The following SP9 variants were observed in gnomAD, a reference collection of about 807,000 sequenced individuals.
SP9 encodes the protein Sp9 transcription factor.
SP9 carries 5 observed loss-of-function variants against 23.0 expected under a neutral mutation model. The observed-to-expected ratio is 0.22, with a 90% confidence interval of 0.11 to 0.46. The LOEUF (loss-of-function observed/expected upper bound fraction) is 0.46, where lower values mean the gene tolerates loss of function less well. SP9 is among the 20% of genes least tolerant of loss of function. SP9 has a pLI of 0.99. For synonymous variants in SP9, 360 were observed against 356.5 expected, an observed-to-expected ratio of 1.01 and a Z score of -0.11; for missense variants, 542 against 724.0, an observed-to-expected ratio of 0.75 and a Z score of 2.88.
In SP9 at chr2:174,336,709, C is replaced by T. The variant is rs1440261797; in HGVS notation, c.624C>T (p.Ala208=). ...GGLQSSLHSG[A]PQASLHSQLG... is the part of the protein sequence containing the mutation. ...TCCAGAGCTCGCTGCACTCGGGCGC[C>T]CCCCAGGCCTCGCTGCACTCGCAGC... Residue 208 remains alanine (A), a synonymous_variant, in exon 2 of 2, where the codon GCC becomes GCT. Coordinates refer to ENST00000394967, the MANE Select transcript of SP9 (RefSeq NM_001145250.2). 6.6e-7 allele frequency: 1 copy of T among 1,524,958 alleles called. No individual in the cohort carries two copies. The highest frequency in any genetic ancestry group is 8.8e-7 in the Non-Finnish European group (1 of 1,142,196). The allele number at this position is 1,524,958 out of a possible 1,614,324, so 94.5% of individuals were successfully genotyped here.
Position 174,337,331 on chromosome 2 carries a change from G to C in SP9, c.1246G>C (p.Gly416Arg). Residue 416 changes from glycine (G) to arginine (R), a missense_variant, in exon 2 of 2, where the codon GGG (glycine) becomes CGG (arginine). Coordinates refer to ENST00000394967, the MANE Select transcript of SP9 (RefSeq NM_001145250.2). ...GAGCAAACACATTAAGACGCACAAC[G>C]GGGGCGGCGGGGGCAAAAAGGGCAG... ...HLSKHIKTHN[G>R]GGGGKKGSDS... 1 of 1,550,974 alleles carries C rather than the reference G, an allele frequency of 6.4e-7. No individual in the cohort carries two copies. Among genetic ancestry groups the C allele is most frequent in the Non-Finnish European group, 8.7e-7 (1 of 1,146,936 alleles).
chr2:174,335,501 T>G, intron 1 of SP9: 1 of 214,466 alleles, frequency 4.7e-6, no homozygotes, highest in Non-Finnish European at 9.3e-6. Flanking sequence ...ACATTTACAT[T>G]TCCGCGGCTC....
Position 174,336,309 on chromosome 2 carries a change from C to T in SP9, c.224C>T (p.Ser75Leu). 6.6e-7 allele frequency: 1 copy of T among 1,505,236 alleles called. No individual in the cohort carries two copies. Among genetic ancestry groups the T allele is most frequent in the Non-Finnish European group, 8.8e-7 (1 of 1,132,372 alleles). The allele number at this position is 1,505,236 out of a possible 1,614,324, so 93.2% of individuals were successfully genotyped here. The change falls in exon 2 of 2, where the codon TCG (serine) becomes TTG (leucine). Residue 75 changes from serine to leucine, a missense_variant. Coordinates refer to ENST00000394967, the MANE Select transcript of SP9 (RefSeq NM_001145250.2). The part of the protein sequence containing the change: ...GFAVATGGRG[S>L]GGLAGGSGAA... The stretch of plus-strand genomic sequence containing the variant: ...GCGGTGGCCACCGGGGGCCGTGGCT[C>T]GGGCGGCCTGGCGGGCGGCTCGGGC...
rs1228367501 is a variant in SP9, at chr2:174,336,314, G to A, written c.229G>A (p.Gly77Ser). 5.3e-6 allele frequency: 8 copies of A among 1,500,576 alleles called. No homozygotes were observed. The highest frequency in any genetic ancestry group is 4.5e-5 in the Admixed American group (2 of 44,678). The allele number at this position is 1,500,576 out of a possible 1,614,324, so 93.0% of individuals were successfully genotyped here. The change falls in exon 2 of 2, where the codon GGC becomes AGC. Residue 77 changes from glycine to serine, a missense_variant. By Grantham distance (56) the Gly-to-Ser change is moderately conservative (BLOSUM62 0). Transcript: ENST00000394967. ...GGCCACCGGGGGCCGTGGCTCGGGC[G>A]GCCTGGCGGGCGGCTCGGGCGCCGC... ...AVATGGRGSG[G>S]LAGGSGAANS...
rs576692932 is a variant in SP9, at chr2:174,337,429, C to T, written c.1344C>T (p.Ser448=). 149 of 1,461,252 alleles carry T rather than the reference C, an allele frequency of 1.0e-4. No homozygotes were observed. The South Asian group carries it at 2.0e-3, about 20-fold the overall frequency. The allele number at this position is 1,461,252 out of a possible 1,614,324, so 90.5% of individuals were successfully genotyped here. A position where few individuals can be genotyped will look rare whatever the true frequency, so the allele number is the denominator to read the frequency against. The stretch of plus-strand genomic sequence containing the variant: ...CCCCCGACCTCATCCTGCATGACTC[C>T]GGCGTCAGTGCCGCCCGGGCGGCGG... ...SESPDLILHD[S]GVSAARAAAA... is the part of the protein sequence containing the mutation. Residue 448 remains serine, a synonymous_variant, in exon 2 of 2, where the codon TCC becomes TCT. Transcript: ENST00000394967.
chr2:174,336,808 C>T lies in SP9; in HGVS notation c.723C>T (p.Ala241=). 2 of 1,528,660 alleles carry T rather than the reference C, an allele frequency of 1.3e-6. No homozygotes were observed. The highest frequency in any genetic ancestry group is 1.7e-6 in the Non-Finnish European group (2 of 1,143,658). 94.7% of individuals were successfully genotyped at this position (1,528,660 alleles called of 1,614,324 possible). A position where few individuals can be genotyped will look rare whatever the true frequency, so the allele number is the denominator to read the frequency against. The stretch of plus-strand genomic sequence containing the variant: ...GCTCCACGGGCCTCGGCTCCTCCGC[C>T]GCCGCCGCCTCCCACCTGCTCTCCA... ...AFSSTGLGSS[A]AAASHLLSTS... The change falls in exon 2 of 2, where the codon GCC becomes GCT. Residue 241 remains alanine, a synonymous_variant. Transcript: ENST00000394967.
Position 174,336,749 on chromosome 2 carries a change from C to CCCGACTTCAGCTCGCTCACGCACT in SP9, c.668_691dup (p.Asp223_Ser230dup). 1 of 1,533,268 alleles carries CCCGACTTCAGCTCGCTCACGCACT rather than the reference C, an allele frequency of 6.5e-7. No homozygotes were observed. Among genetic ancestry groups the CCCGACTTCAGCTCGCTCACGCACT allele is most frequent in the South Asian group, 1.2e-5 (1 of 83,524 alleles). The allele number at this position is 1,533,268 out of a possible 1,614,324, so 95.0% of individuals were successfully genotyped here. On this transcript the variant is annotated inframe_insertion, in exon 2 of 2. Coordinates refer to ENST00000394967, the MANE Select transcript of SP9 (RefSeq NM_001145250.2). ...GCACTCGCAGCTGGGCACCTACAAC[C>CCCGACTTCAGCTCGCTCACGCACT]CCGACTTCAGCTCGCTCACGCACTC... is the stretch of plus-strand genomic sequence containing the variant.
rs1684419099 is a variant in SP9, at chr2:174,336,673, C to T, written c.588C>T (p.Pro196=). Reference sequence around the variant, plus strand: ...GCTCGTGGCTGGAAGTGCAGAACCCCGCTGGGGGGCTCCAGAGCTCGCTGC... The same window carrying T: ...GCTCGTGGCTGGAAGTGCAGAACCCTGCTGGGGGGCTCCAGAGCTCGCTGC... ...SPGSWLEVQN[P]AGGLQSSLHS... is the part of the protein sequence containing the mutation. Residue 196 remains proline, a synonymous_variant, in exon 2 of 2, where the codon CCC becomes CCT. Coordinates refer to ENST00000394967, the MANE Select transcript of SP9 (RefSeq NM_001145250.2). 3.3e-6 allele frequency: 5 copies of T among 1,516,864 alleles called. No individual in the cohort carries two copies. The highest frequency in any genetic ancestry group is 1.2e-5 in the South Asian group (1 of 81,458). The allele number at this position is 1,516,864 out of a possible 1,614,324, so 94.0% of individuals were successfully genotyped here.
At position 174,336,778 on chromosome 2, in the gene SP9, C is replaced by T. The variant is rs1684421336; in HGVS notation, c.693C>T (p.Ala231=). The change falls in exon 2 of 2, where the codon GCC becomes GCT. Residue 231 remains alanine (A), a synonymous_variant. Coordinates refer to ENST00000394967, the MANE Select transcript of SP9 (RefSeq NM_001145250.2). ...NPDFSSLTHS[A]FSSTGLGSSA... is the part of the protein sequence containing the mutation. ...ACTTCAGCTCGCTCACGCACTCCGC[C>T]TTCAGCTCCACGGGCCTCGGCTCCT... The T allele has an allele frequency of 2.0e-6, 3 of 1,532,380 alleles. No homozygotes were observed. The highest frequency in any genetic ancestry group is 2.6e-6 in the Non-Finnish European group (3 of 1,145,196). 94.9% of individuals were successfully genotyped at this position (1,532,380 alleles called of 1,614,324 possible). A position where few individuals can be genotyped will look rare whatever the true frequency, so the allele number is the denominator to read the frequency against.
In SP9 at chr2:174,336,712, C is replaced by G. The variant is rs1684420017; in HGVS notation, c.627C>G (p.Pro209=). The G allele has an allele frequency of 6.5e-7, 1 of 1,526,902 alleles. No homozygotes were observed. Among genetic ancestry groups the G allele is most frequent in the Admixed American group, 2.0e-5 (1 of 50,252 alleles). The allele number at this position is 1,526,902 out of a possible 1,614,324, so 94.6% of individuals were successfully genotyped here. A position where few individuals can be genotyped will look rare whatever the true frequency, so the allele number is the denominator to read the frequency against. Residue 209 remains proline (P), a synonymous_variant, in exon 2 of 2, where the codon CCC becomes CCG. Coordinates refer to ENST00000394967, the MANE Select transcript of SP9 (RefSeq NM_001145250.2). ...GLQSSLHSGA[P]QASLHSQLGT... is the part of the protein sequence containing the mutation. ...AGAGCTCGCTGCACTCGGGCGCCCC[C>G]CAGGCCTCGCTGCACTCGCAGCTGG...
In SP9 at chr2:174,337,694, C is replaced by T. The variant is rs1345197508; in HGVS notation, c.*154C>T. The T allele has an allele frequency of 1.0e-6, 1 of 968,422 alleles. No individual in the cohort carries two copies. The highest frequency in any genetic ancestry group is 1.3e-6 in the Non-Finnish European group (1 of 798,366). 60.0% of individuals were successfully genotyped at this position (968,422 alleles called of 1,614,324 possible). A position where few individuals can be genotyped will look rare whatever the true frequency, so the allele number is the denominator to read the frequency against. On this transcript the variant is annotated 3_prime_UTR_variant, in exon 2 of 2. Transcript: ENST00000394967. The stretch of plus-strand genomic sequence containing the variant: ...CGCGAGGTGGAGCCGCTCAGGGCTC[C>T]CGGGCTGCGGTTCGCCCGCTGTGCG...
chr2:174,335,922 C>T (rs774590160), intron 1 of SP9, 185 bp from the exon 2 acceptor site: 5 of 597,724 alleles, frequency 8.4e-6, no homozygotes, highest in Non-Finnish European at 1.5e-5. Flanking sequence ...GGGTGATCGC[C>T]CCTGCTCCGC....
At chr2:174,335,255 G>A in intron 1 of SP9, 142 bp downstream of exon 1, 1 of 936,366 alleles carries the variant, frequency 1.1e-6, no homozygotes, top group Non-Finnish European at 1.6e-6. Context: ...ACATTTCTGG[G>A]ACTGATTTTT....
rs760144923 is a variant in SP9, at chr2:174,337,268, C to G, written c.1183C>G (p.Pro395Ala). 1.3e-5 allele frequency: 21 copies of G among 1,563,666 alleles called. No individual in the cohort carries two copies. Among genetic ancestry groups the G allele is most frequent in the East Asian group, 2.4e-5 (1 of 41,614 alleles). The change falls in exon 2 of 2, where the codon CCG becomes GCG. Residue 395 changes from proline (P) to alanine (A), a missense_variant. Physicochemically the swap from Pro to Ala is conservative, Grantham distance 27. Around this residue, in one of 8 missense-constraint regions of SP9, gnomAD observed 31 missense variants for 16.7 expected, o/e 1.85. Coordinates refer to ENST00000394967, the MANE Select transcript of SP9 (RefSeq NM_001145250.2). ...CACGGGCGAGAAGCGCTTCGCCTGT[C>G]CGGTGTGCAACAAGCGCTTCATGCG... ...THTGEKRFAC[P>A]VCNKRFMRSD...
chr2:174,335,765 G>A (rs954946699), intron 1 of SP9: 10 of 296,442 alleles, frequency 3.4e-5, no homozygotes, highest in African/African-American at 4.4e-5. Context: ...TCACCCCGAA[G>A]GGCGACTTGG....
At chr2:174,335,332 C>T in intron 1 of SP9, 1 of 537,118 alleles carries the variant, frequency 1.9e-6, no homozygotes. Context: ...AGTCCTTTTT[C>T]ATTTGGTTTC....
chr2:174,334,988 C>T lies in SP9; in HGVS notation c.-105C>T. ...CGGCGGGAGCCTGGAGTCCGCTCGG[C>T]ACGAGCGCGGGGACGCGGGAGCCGC... On this transcript the variant is annotated 5_prime_UTR_variant, in exon 1 of 2. Transcript: ENST00000394967. 2.9e-6 allele frequency: 4 copies of T among 1,368,298 alleles called. No homozygotes were observed. The highest frequency in any genetic ancestry group is 4.1e-6 in the Non-Finnish European group (4 of 986,032). The allele number at this position is 1,368,298 out of a possible 1,614,324, so 84.8% of individuals were successfully genotyped here.
rs1574614163 is a variant in SP9 at position 174,337,450 on chromosome 2, G to GGCGGCA, written c.1371_1376dup (p.Ala469_Ala470dup). On this transcript the variant is annotated inframe_insertion, in exon 2 of 2. Transcript: ENST00000394967. ...ACTCCGGCGTCAGTGCCGCCCGGGC[G>GGCGGCA]GCGGCAGCGGCGGCGGCGGCAGCGG... The GGCGGCA allele has an allele frequency of 1.6e-6, 2 of 1,248,208 alleles. No homozygotes were observed. Among genetic ancestry groups the GGCGGCA allele is most frequent in the Non-Finnish European group, 1.0e-6 (1 of 982,620 alleles). The allele number at this position is 1,248,208 out of a possible 1,614,324, so 77.3% of individuals were successfully genotyped here. A position where few individuals can be genotyped will look rare whatever the true frequency, so the allele number is the denominator to read the frequency against.
In SP9 at chr2:174,336,218, G is replaced by A; in HGVS notation, c.133G>A (p.Gly45Ser). The change falls in exon 2 of 2, where the codon GGC (glycine) becomes AGC (serine). Residue 45 changes from glycine (G) to serine (S), a missense_variant. Coordinates refer to ENST00000394967, the MANE Select transcript of SP9 (RefSeq NM_001145250.2). The stretch of plus-strand genomic sequence containing the variant: ...GCCAGAGTCGAGCGCCTTCGCCAAA[G>A]GCGGCTTTCACCCCTGGAAGCGCTC... ...TLPESSAFAKGGFHPWKRSSS... is the reference protein window; with the variant it reads ...TLPESSAFAKSGFHPWKRSSS... 1.9e-6 allele frequency: 3 copies of A among 1,550,120 alleles called. No individual in the cohort carries two copies. The highest frequency in any genetic ancestry group is 2.6e-6 in the Non-Finnish European group (3 of 1,146,382).
Sources: gnomAD v4.1 joint callset for allele counts on GRCh38, gnomAD v4.1.1 for gene constraint, gnomAD v4.1.1 regional missense constraint, MANE v1.5 for transcripts, NCBI Gene and HGNC (gene_info 2026-07-23, HGNC 2026-07-21) for gene names.